CTNNA2: variants seen among roughly 807,000 people sequenced by gnomAD.
CTNNA2 encodes the protein catenin alpha-2.
A neutral mutation model predicts 101.0 loss-of-function variants in CTNNA2; 42 were observed. The observed-to-expected ratio is 0.42, with a 90% confidence interval of 0.32 to 0.54. CTNNA2 has a LOEUF of 0.54. CTNNA2 is among the 20% of genes least tolerant of loss of function. The pLI, the probability that CTNNA2 is intolerant of heterozygous loss-of-function variation, is 0.14. For missense variants in CTNNA2, 871 were observed against 1,223.1 expected (o/e 0.71, Z 4.29); for synonymous variants, 450 against 456.4 (o/e 0.99, Z 0.18).
chr2:79,833,985 T>C (rs1255368262), intron 3 of CTNNA2, among the ~76,000 whole-genome samples: 2 of 152,196 alleles, frequency 1.3e-5, no homozygotes, highest in Non-Finnish European at 2.9e-5. Flanking sequence ...ATTGGACACA[T>C]AAATTAACTA....
At chr2:79,253,495 C>T (rs1303116294) in intron 2 of CTNNA2, among the ~76,000 whole-genome samples, 1 of 152,104 alleles carries the variant, frequency 6.6e-6, no homozygotes, top group Non-Finnish European at 1.5e-5. Context: ...GTTAATATTA[C>T]AATTTGGTGA....
intron 2 of CTNNA2, among the ~76,000 whole-genome samples, chr2:79,715,427 A>T (rs1191764736): frequency 1.3e-5 from 2 of 152,198 alleles, no homozygotes; most frequent in Admixed American, 6.5e-5. Flanking sequence ...AGTACAGTAA[A>T]GAATCTTCCA....
At chr2:80,599,058 G>T (rs1488623994) in intron 15 of CTNNA2, among the ~76,000 whole-genome samples, 1 of 152,080 alleles carries the variant, frequency 6.6e-6, no homozygotes, top group Non-Finnish European at 1.5e-5. Context: ...AGTCATACAA[G>T]ATATTAACAT....
At chr2:79,190,364 A>G (rs976163592) in intron 1 of CTNNA2, among the ~76,000 whole-genome samples, 1 of 152,026 alleles carries the variant, frequency 6.6e-6, no homozygotes, top group Non-Finnish European at 1.5e-5. Context: ...TTGTTTCTCA[A>G]ATTTTTGGCT....
chr2:80,159,221 G>A (rs1704164553), intron 7 of CTNNA2, among the ~76,000 whole-genome samples: 1 of 152,078 alleles, frequency 6.6e-6, no homozygotes, highest in Admixed American at 6.5e-5. Context: ...TTATTTTTTA[G>A]AGCAAAATTT....
chr2:80,640,926 A>C (rs1247356360), intron 18 of CTNNA2, among the ~76,000 whole-genome samples: 1 of 152,130 alleles, frequency 6.6e-6, no homozygotes, highest in Non-Finnish European at 1.5e-5. Context: ...TACCCTGAAA[A>C]CCTACTCTAG....
chr2:80,222,328 C>G (rs989595246), intron 7 of CTNNA2, among the ~76,000 whole-genome samples: 1 of 138,158 alleles, frequency 7.2e-6, no homozygotes, highest in African/African-American at 3.3e-5. Flanking sequence ...CAAATTATAT[C>G]TTTATCTTAT....
intron 9 of CTNNA2, among the ~76,000 whole-genome samples, chr2:80,468,348 G>T (rs1213244246): frequency 6.6e-6 from 1 of 152,290 alleles, no homozygotes; most frequent in African/African-American, 2.4e-5. Flanking sequence ...AGCTAGCTGT[G>T]TGCAGTGGAA....
chr2:80,053,547 G>A (rs991842988), intron 7 of CTNNA2, among the ~76,000 whole-genome samples: 16 of 152,156 alleles, frequency 1.1e-4, no homozygotes, highest in Non-Finnish European at 7.3e-5. Flanking sequence ...GACTAATGAC[G>A]CCTTTCGTTA....
At chr2:80,587,077 G>T (rs1056908137) in intron 14 of CTNNA2, among the ~76,000 whole-genome samples, 1 of 152,118 alleles carries the variant, frequency 6.6e-6, no homozygotes, top group African/African-American at 2.4e-5. Context: ...GTTGTGTAGA[G>T]TGGTTAAGAA....
At chr2:80,195,923 T>TAGAAAAGA (rs1398462233) in intron 7 of CTNNA2, among the ~76,000 whole-genome samples, 2 of 152,122 alleles carry the variant, frequency 1.3e-5, no homozygotes, top group Admixed American at 6.5e-5. Context: ...AACCAAACTG[T>TAGAAAAGA]AGAAAAGACA....
chr2:79,818,146 C>A (rs1453311422), intron 3 of CTNNA2, among the ~76,000 whole-genome samples: 1 of 152,098 alleles, frequency 6.6e-6, no homozygotes, highest in Non-Finnish European at 1.5e-5. Context: ...CAAACTACAG[C>A]AGATTACATT....
At chr2:79,900,206 C>G (rs1025688082) in intron 6 of CTNNA2, among the ~76,000 whole-genome samples, 2 of 152,054 alleles carry the variant, frequency 1.3e-5, no homozygotes, top group African/African-American at 2.4e-5. Flanking sequence ...AATTTTATTT[C>G]CCTGTTTATA....
intron 4 of CTNNA2, among the ~76,000 whole-genome samples, chr2:79,464,333 A>G (rs1373437177): frequency 6.6e-6 from 1 of 152,188 alleles, no homozygotes; most frequent in Non-Finnish European, 1.5e-5. Flanking sequence ...TTGTGGCTGC[A>G]TAGTATTCCA....
intron 1 of CTNNA2, among the ~76,000 whole-genome samples, chr2:79,639,943 TG>T (rs1432615799): frequency 1.3e-4 from 20 of 151,796 alleles, no homozygotes; most frequent in African/African-American, 3.1e-4. Flanking sequence ...TGTGTGTGTG[TG>T]TGTGTGTGTG....
chr2:79,297,785 C>G (rs924984989), intron 2 of CTNNA2, among the ~76,000 whole-genome samples: 1 of 152,156 alleles, frequency 6.6e-6, no homozygotes, highest in Non-Finnish European at 1.5e-5. Context: ...TGTCAAACTG[C>G]TTTAACTCTA....
chr2:80,023,195 A>G (rs1293349357), intron 7 of CTNNA2, among the ~76,000 whole-genome samples: 4 of 152,180 alleles, frequency 2.6e-5, no homozygotes, highest in Admixed American at 2.0e-4. Context: ...TAGCATTTTT[A>G]TCTCTAACTT....
chr2:79,400,515 A>T (rs1270507401), intron 4 of CTNNA2, among the ~76,000 whole-genome samples: 1 of 152,062 alleles, frequency 6.6e-6, no homozygotes, highest in East Asian at 1.9e-4. Context: ...AAAATTCCCT[A>T]GAGCAGTTCA....
intron 1 of CTNNA2, among the ~76,000 whole-genome samples, chr2:79,556,538 A>T (rs531357308): frequency 1.9e-3 from 287 of 152,142 alleles, no homozygotes; most frequent in African/African-American, 6.5e-3. Flanking sequence ...CAGTCCCCTG[A>T]TACATTCTTA....
Sources: gnomAD v4.1 joint callset for allele counts (sites outside exome capture counted in the v4.1 genomes callset) on GRCh38, gnomAD v4.1.1 for gene constraint, MANE v1.5 for transcripts, NCBI Gene and HGNC (gene_info 2026-07-23, HGNC 2026-07-21) for gene names.